The following CNTN1 variants were observed in gnomAD, a reference collection of about 807,000 sequenced individuals.
CNTN1 encodes the protein contactin-1.
Under a neutral mutation model 126.4 loss-of-function variants are expected in CNTN1, and 38 were observed. The ratio of observed to expected loss-of-function variants is 0.30; its 90% confidence interval spans 0.23 to 0.39. CNTN1 has a LOEUF of 0.39. CNTN1 is among the 10% of genes least tolerant of loss of function. The pLI is 1.00. For missense variants in CNTN1, 1,009 were observed against 1,248.4 expected (o/e 0.81, Z 2.89); for synonymous variants, 413 against 422.6 (o/e 0.98, Z 0.28).
chr12:40,710,184 C>G (rs1941877386), intron 1 of CNTN1, among the ~76,000 whole-genome samples: 1 of 151,990 alleles, frequency 6.6e-6, no homozygotes, highest in South Asian at 2.1e-4. Context: ...CTTATGAAAT[C>G]TTATGAATCT....
chr12:40,760,810 T>G (rs866253078), intron 1 of CNTN1, among the ~76,000 whole-genome samples: 1 of 145,336 alleles, frequency 6.9e-6, no homozygotes, highest in Middle Eastern at 3.4e-3. Context: ...AGTTCATACT[T>G]ACATTGTTGG....
At chr12:41,001,518 T>G (rs888218511) in intron 17 of CNTN1, among the ~76,000 whole-genome samples, 5 of 152,162 alleles carry the variant, frequency 3.3e-5, no homozygotes, top group Non-Finnish European at 7.4e-5. Context: ...AGATGATTAG[T>G]TTGCAAAATT....
At chr12:40,880,971 CTG>C (rs1943850697) in intron 1 of CNTN1, among the ~76,000 whole-genome samples, 1 of 151,978 alleles carries the variant, frequency 6.6e-6, no homozygotes, top group Non-Finnish European at 1.5e-5. Flanking sequence ...TAGCCAATCA[CTG>C]GGGCTAAAAC....
intron 4 of CNTN1, among the ~76,000 whole-genome samples, chr12:40,920,326 TA>T (rs1466852558): frequency 1.4e-5 from 2 of 140,182 alleles, no homozygotes; most frequent in Non-Finnish European, 3.3e-5. Context: ...ACAGGCACAA[TA>T]AAAAGCAAAG....
At chr12:40,971,451 G>A (rs1486891667) in intron 15 of CNTN1, 2 of 1,596,126 alleles carry the variant, frequency 1.3e-6, no homozygotes, top group Admixed American at 1.7e-5. Context: ...CAGAAAAGGT[G>A]GAGAGAAAAA....
chr12:40,706,170 G>T (rs1031906452), intron 1 of CNTN1, among the ~76,000 whole-genome samples: 1 of 151,724 alleles, frequency 6.6e-6, no homozygotes, highest in African/African-American at 2.4e-5. Context: ...ACAATGTGCA[G>T]GTTTGTTACA....
At chr12:40,918,601 A>G in intron 3 of CNTN1, 38 bp from the exon 4 acceptor site, 3 of 1,592,886 alleles carry the variant, frequency 1.9e-6, no homozygotes, top group Non-Finnish European at 2.6e-6. Flanking sequence ...TTGACTTATA[A>G]AGCAGTACAA....
At chr12:40,966,560 A>C (rs1485635971) in intron 15 of CNTN1, among the ~76,000 whole-genome samples, 1 of 152,224 alleles carries the variant, frequency 6.6e-6, no homozygotes, top group African/African-American at 2.4e-5. Flanking sequence ...TAGAAAATTT[A>C]AAGTCAGAAC....
At chr12:40,998,230 T>A (rs925370964) in intron 17 of CNTN1, among the ~76,000 whole-genome samples, 3 of 152,198 alleles carry the variant, frequency 2.0e-5, no homozygotes, top group Admixed American at 6.5e-5. Flanking sequence ...GGTCATTTTT[T>A]AACTTAATTT....
chr12:40,908,539 A>T, intron 2 of CNTN1, 46 bp downstream of exon 2: 1 of 1,324,748 alleles, frequency 7.5e-7, no homozygotes, highest in Non-Finnish European at 1.1e-6. Context: ...TGTCAACATA[A>T]TTGATATGCG....
intron 15 of CNTN1, among the ~76,000 whole-genome samples, chr12:40,962,124 C>T (rs899864114): frequency 6.6e-6 from 1 of 152,014 alleles, no homozygotes; most frequent in East Asian, 1.9e-4. Context: ...TATGCCTTAT[C>T]AGAGAAGACT....
intron 1 of CNTN1, among the ~76,000 whole-genome samples, chr12:40,874,120 C>A (rs1943593381): frequency 6.6e-6 from 1 of 152,050 alleles, no homozygotes; most frequent in Non-Finnish European, 1.5e-5. Context: ...CCATTCCCAA[C>A]CCATGTATTC....
Position 40,863,929 on chromosome 12 carries a change from TCCC to T in CNTN1, c.-76-44427_-76-44425del, listed in dbSNP as rs1366693666. On this transcript the variant is annotated intron_variant, in intron 1 of 23. Coordinates refer to ENST00000551295, the MANE Select transcript of CNTN1 (RefSeq NM_001843.4). The stretch of plus-strand genomic sequence containing the variant: ...GGACCGACCTTCCTTCCTTCCTTCC[TCCC>T]TCCCTCCCTCCCTCCCTCCCTCTCT... 4.5e-4 allele frequency among the ~76,000 whole-genome samples: 64 copies of T among 142,396 alleles called. 1 individual carries two copies. The East Asian group carries it at 5.1e-3, about 11-fold the overall frequency. 93.4% of individuals were successfully genotyped at this position (142,396 alleles called of 152,430 possible).
At chr12:40,805,312 G>C (rs1258235625) in intron 1 of CNTN1, among the ~76,000 whole-genome samples, 1 of 151,566 alleles carries the variant, frequency 6.6e-6, no homozygotes, top group Non-Finnish European at 1.5e-5. Context: ...ATCTGATATT[G>C]TTCCAGAGTC....
At chr12:40,953,556 AC>A (rs1372592069) in intron 14 of CNTN1, among the ~76,000 whole-genome samples, 1 of 152,096 alleles carries the variant, frequency 6.6e-6, no homozygotes, top group Non-Finnish European at 1.5e-5. Flanking sequence ...CTACATGTTC[AC>A]CAAATGTAGA....
chr12:41,042,770 C>G (rs1349587653), intron 23 of CNTN1, among the ~76,000 whole-genome samples: 2 of 152,034 alleles, frequency 1.3e-5, no homozygotes, highest in African/African-American at 2.4e-5. Flanking sequence ...CTACAGTAAC[C>G]AAAACAGCAT....
At chr12:40,831,231 T>C (rs1941830168) in intron 1 of CNTN1, among the ~76,000 whole-genome samples, 1 of 149,976 alleles carries the variant, frequency 6.7e-6, no homozygotes, top group Non-Finnish European at 1.5e-5. Context: ...ATATACTATA[T>C]TTACTTAGGA....
chr12:40,712,869 A>G (rs1941957067), intron 1 of CNTN1, among the ~76,000 whole-genome samples: 1 of 152,082 alleles, frequency 6.6e-6, no homozygotes, highest in South Asian at 2.1e-4. Context: ...CCTAATGGAA[A>G]ATATTAGGGT....
chr12:40,749,715 A>C (rs1326815179), intron 1 of CNTN1, among the ~76,000 whole-genome samples: 2 of 103,690 alleles, frequency 1.9e-5, no homozygotes, highest in Admixed American at 9.7e-5. Context: ...ATAATAGAAA[A>C]TAAAGTTCTG....
Sources: gnomAD v4.1 joint callset for allele counts (sites outside exome capture counted in the v4.1 genomes callset) on GRCh38, gnomAD v4.1.1 for gene constraint, MANE v1.5 for transcripts, NCBI Gene and HGNC (gene_info 2026-07-23, HGNC 2026-07-21) for gene names.